TARBP1: variants seen among roughly 807,000 people sequenced by gnomAD.
The protein encoded by TARBP1 is tRNA (guanosine(18)-2'-O)-methyltransferase TARBP1.
A neutral mutation model predicts 178.6 loss-of-function variants in TARBP1; 144 were observed. The ratio of observed to expected loss-of-function variants is 0.81; its 90% CI spans 0.70 to 0.93. The LOEUF (loss-of-function observed/expected upper bound fraction) is 0.93. Ranked by LOEUF, TARBP1 falls within the 40% of genes least tolerant of loss-of-function variation. TARBP1 has a pLI of 0.00. For synonymous variants in TARBP1, 787 were observed against 781.0 expected (o/e 1.01, Z -0.13); for missense variants, 2,067 against 2,011.7 (o/e 1.03, Z -0.53).
intron 5 of TARBP1, 145 bp from the exon 6 acceptor site, chr1:234,464,079 T>C (rs1288279033): frequency 1.1e-5 from 5 of 465,192 alleles, no homozygotes; most frequent in Non-Finnish European, 1.9e-5. Flanking sequence ...TGCATTTCAT[T>C]TTTCAGTAAA....
chr1:234,427,569 C>A lies in TARBP1; in HGVS notation c.3251+7G>T. The A allele has an allele frequency of 7.5e-6, 12 of 1,592,248 alleles. 1 individual carries two copies. The South Asian group carries it at 1.3e-4, about 17-fold the overall frequency. Reference sequence around the variant, plus strand: ...TTATGACCAGTTGAAATAATAGCATCTTTTACCTTTGATCACGCCTAAACA... The same window carrying A: ...TTATGACCAGTTGAAATAATAGCATATTTTACCTTTGATCACGCCTAAACA... On this transcript the variant is annotated splice_region_variant and intron_variant, in intron 18 of 29. Coordinates refer to ENST00000040877, the MANE Select transcript of TARBP1 (RefSeq NM_005646.4).
chr1:234,419,166 C>T (rs1662796137), intron 21 of TARBP1, among the ~76,000 whole-genome samples: 1 of 151,294 alleles, frequency 6.6e-6, no homozygotes, highest in Non-Finnish European at 1.5e-5. Flanking sequence ...GAGCAAGACT[C>T]CGTCTCAAAA....
chr1:234,445,338 T>C (rs11576778), intron 12 of TARBP1, among the ~76,000 whole-genome samples: 45,719 of 152,080 alleles, frequency 0.3, 7,080 homozygotes, highest in Admixed American at 0.41. Context: ...TCCCCTAACA[T>C]TCTCATTCAG....
At chr1:234,416,716 G>A (rs115488644) in intron 22 of TARBP1, among the ~76,000 whole-genome samples, 196 of 152,292 alleles carry the variant, frequency 1.3e-3, no homozygotes, top group Middle Eastern at 6.8e-3. Flanking sequence ...GCTGCTTATG[G>A]TGACACCCAG....
chr1:234,432,724 T>G (rs1270622128), intron 14 of TARBP1, among the ~76,000 whole-genome samples: 2 of 148,872 alleles, frequency 1.3e-5, no homozygotes, highest in African/African-American at 2.5e-5. Context: ...TGCTTGTGAT[T>G]TGTAAAACTC....
intron 12 of TARBP1, among the ~76,000 whole-genome samples, chr1:234,440,209 T>C (rs754298683): frequency 1.3e-5 from 2 of 152,032 alleles, no homozygotes; most frequent in Non-Finnish European, 2.9e-5. Flanking sequence ...AAGCAACACT[T>C]GGAGGAAAAT....
Position 234,391,374 on chromosome 1 carries a change from A to C in TARBP1, c.*203T>G, listed in dbSNP as rs1659347825. The C allele has an allele frequency of 2.3e-6, 1 of 426,250 alleles. No homozygotes were observed. Among genetic ancestry groups the C allele is most frequent in the Non-Finnish European group, 4.1e-6 (1 of 243,314 alleles). 26.4% of individuals were successfully genotyped at this position (426,250 alleles called of 1,614,324 possible). ...TTGCTTAAAATATTTTATTAAAGGA[A>C]GAATACAATTTAACAAAAAGTGTTT... On this transcript the variant is annotated 3_prime_UTR_variant, in exon 30 of 30. Transcript: ENST00000040877.
intron 22 of TARBP1, among the ~76,000 whole-genome samples, chr1:234,414,823 A>C (rs1662234315): frequency 2.6e-5 from 4 of 152,114 alleles, no homozygotes; most frequent in Admixed American, 2.6e-4. Flanking sequence ...ATCTCTACTA[A>C]AAATACAAAA....
At chr1:234,462,323 T>G (rs1667935194) in intron 6 of TARBP1, among the ~76,000 whole-genome samples, 1 of 152,190 alleles carries the variant, frequency 6.6e-6, no homozygotes, top group African/African-American at 2.4e-5. Context: ...AAGGCAGCAA[T>G]GCGGCTGACA....
intron 5 of TARBP1, among the ~76,000 whole-genome samples, chr1:234,465,107 A>ATGGATGG (rs771876079): frequency 7.0e-6 from 1 of 141,942 alleles, no homozygotes; most frequent in Admixed American, 7.5e-5. Flanking sequence ...TGGATGGCGG[A>ATGGATGG]CAGACAGGCA....
Position 234,393,815 on chromosome 1 carries a change from A to T in TARBP1, c.4266T>A (p.Asp1422Glu), listed in dbSNP as rs768909967. 3.1e-6 allele frequency: 5 copies of T among 1,611,464 alleles called. No homozygotes were observed. The highest frequency in any genetic ancestry group is 4.2e-6 in the Non-Finnish European group (5 of 1,178,644). ...GAACGTCGGTCCACTCCGCTTGGTT[A>T]TCTGCTTCGACCAAATTAGTACCTG... Reference protein sequence around the residue: ...QDIGTNLVEADNQAEWTDVQK... With the variant: ...QDIGTNLVEAENQAEWTDVQK... The change falls in exon 27 of 30, where the codon GAT becomes GAA. Residue 1422 changes from aspartate to glutamate, a missense_variant. Physicochemically the swap from Asp to Glu is conservative, Grantham distance 45. Coordinates refer to ENST00000040877, the MANE Select transcript of TARBP1 (RefSeq NM_005646.4).
chr1:234,397,992 T>G (rs561121345), intron 26 of TARBP1, among the ~76,000 whole-genome samples: 143 of 151,674 alleles, frequency 9.4e-4, no homozygotes, highest in Middle Eastern at 6.8e-3. Flanking sequence ...GAGCTCTGCT[T>G]TATTCCTATG....
chr1:234,394,614 C>G (rs866606500), intron 26 of TARBP1, among the ~76,000 whole-genome samples: 1 of 152,148 alleles, frequency 6.6e-6, no homozygotes, highest in South Asian at 2.1e-4. Context: ...GGTAAGACCC[C>G]GGAAGGCTCG....
At chr1:234,471,587 G>C (rs1418316777) in intron 2 of TARBP1, among the ~76,000 whole-genome samples, 1 of 152,212 alleles carries the variant, frequency 6.6e-6, no homozygotes, top group Non-Finnish European at 1.5e-5. Context: ...AAAAGACACT[G>C]AAATGTTTTC....
At position 234,418,559 on chromosome 1, in the gene TARBP1, A is replaced by C. The variant is rs574910622; in HGVS notation, c.3556-326T>G. ...CTAGTAAGTGGAAGAATTCAGGTTC[A>C]AATCAAGATCTGCCAAGATGCCAGG... On this transcript the variant is annotated intron_variant, in intron 21 of 29. Coordinates refer to ENST00000040877, the MANE Select transcript of TARBP1 (RefSeq NM_005646.4). Among the ~76,000 whole-genome samples the C allele has an allele frequency of 4.6e-5, 7 of 152,356 alleles. No homozygotes were observed. In the South Asian group the frequency reaches 1.4e-3, roughly 32 times the overall value.
chr1:234,472,835 T>C (rs753921128), intron 1 of TARBP1, 24 bp from the exon 2 acceptor site: 2 of 1,543,288 alleles, frequency 1.3e-6, no homozygotes, highest in African/African-American at 2.8e-5. Flanking sequence ...AAAAAGAAAA[T>C]TAGTTCTTCC....
rs1660362444 is a variant in TARBP1 at position 234,398,448 on chromosome 1, G to C, written c.4177C>G (p.Gln1393Glu). The C allele has an allele frequency of 2.5e-6, 4 of 1,612,088 alleles. No individual in the cohort carries two copies. In the East Asian group the frequency reaches 8.9e-5, roughly 36 times the overall value. Residue 1393 changes from glutamine (Q) to glutamate (E), a missense_variant, in exon 26 of 30, where the codon CAG becomes GAG. Gln to Glu is a conservative substitution (Grantham distance 29). Transcript: ENST00000040877. ...AGTTGAGTTTGAGAAAGGTACCACT[G>C]AAATCCCGCAGCTAAAGGAACATCA... ...FTDVPLAAGF[Q>E]WYLSQTQLSK...
intron 12 of TARBP1, among the ~76,000 whole-genome samples, chr1:234,445,451 C>T (rs975740826): frequency 6.6e-6 from 1 of 151,854 alleles, no homozygotes; most frequent in African/African-American, 2.4e-5. Flanking sequence ...CTTCTTATTA[C>T]AAATAGTAAT....
chr1:234,452,610 G>A (rs1666892514), intron 9 of TARBP1, among the ~76,000 whole-genome samples: 1 of 152,138 alleles, frequency 6.6e-6, no homozygotes, highest in South Asian at 2.1e-4. Flanking sequence ...CTCATTCTTT[G>A]CTGGTAGGAA....
Sources: allele counts gnomAD v4.1 joint callset (sites outside exome capture counted in the v4.1 genomes callset), GRCh38; gene constraint gnomAD v4.1.1; transcripts MANE v1.5; gene names NCBI Gene and HGNC (gene_info 2026-07-23, HGNC 2026-07-21).